Variants in LRRC37A observed in about 807,000 individuals in gnomAD.
LRRC37A encodes the protein leucine rich repeat containing 37A, also known as leucine-rich repeat-containing protein 37A.
LRRC37A carries 3 observed loss-of-function variants against 35.4 expected under a neutral mutation model. That is an observed-to-expected ratio of 0.08 (90% CI 0.04 to 0.22). The LOEUF is 0.22. Among genes scored for constraint, LRRC37A ranks in the 10% least tolerant of loss-of-function variants. The pLI is 1.00. For missense variants in LRRC37A, 67 were observed against 565.3 expected (o/e 0.12, Z 8.94); for synonymous variants, 23 against 215.0 (o/e 0.11, Z 7.81).
chr17:46,327,063 T>C (rs2051769323), intron 7 of LRRC37A, among the ~76,000 whole-genome samples: 1 of 86,176 alleles, frequency 1.2e-5, no homozygotes, highest in Admixed American at 1.2e-4. Context: ...TCTACTTTCT[T>C]TGATCTTCCA....
At chr17:46,258,107 G>C in the LRRC37A span, among the ~76,000 whole-genome samples, 11 of 152,210 alleles carry the variant, frequency 7.2e-5, no homozygotes, top group African/African-American at 2.7e-4. Context: ...CTTCTCCATA[G>C]ACTGCTTGAA....
chr17:46,289,018 A>G (rs1446762352), upstream of LRRC37A, among the ~76,000 whole-genome samples: 4 of 152,240 alleles, frequency 2.6e-5, no homozygotes, highest in South Asian at 4.1e-4. Context: ...TATTGTCTCA[A>G]TATGCATTTT....
the LRRC37A span, chr17:46,275,320 T>C: frequency 1.2e-6 from 1 of 821,200 alleles, no homozygotes; most frequent in Non-Finnish European, 1.9e-6. Context: ...GGCTCCTTAA[T>C]TTAAAATAGT....
chr17:46,272,515 A>G, the LRRC37A span, among the ~76,000 whole-genome samples: 24 of 152,234 alleles, frequency 1.6e-4, no homozygotes, highest in African/African-American at 5.8e-4. Context: ...CCCAGGTTCA[A>G]GTGATTCTCC....
chr17:46,289,754 C>T (rs1206094132), upstream of LRRC37A, among the ~76,000 whole-genome samples: 2 of 152,228 alleles, frequency 1.3e-5, no homozygotes, highest in Admixed American at 6.5e-5. Context: ...AGAAAAATAA[C>T]TTAGCCCACG....
chr17:46,282,846 C>T, the LRRC37A span, among the ~76,000 whole-genome samples: 1 of 152,190 alleles, frequency 6.6e-6, no homozygotes, highest in African/African-American at 2.4e-5. Flanking sequence ...GGGCTGGGCG[C>T]GGTGGCTCAT....
At chr17:46,298,705 CAG>C (rs1310347517) in intron 1 of LRRC37A, among the ~76,000 whole-genome samples, 1 of 89,612 alleles carries the variant, frequency 1.1e-5, no homozygotes, top group Non-Finnish European at 2.3e-5. Context: ...GCCTGGGCGA[CAG>C]AGCAAGACTC....
chr17:46,254,760 C>T, the LRRC37A span, among the ~76,000 whole-genome samples: 1 of 151,318 alleles, frequency 6.6e-6, no homozygotes, highest in African/African-American at 2.4e-5. Flanking sequence ...AGGCTGGTCT[C>T]AACTCCTGAC....
At chr17:46,282,782 C>T in the LRRC37A span, among the ~76,000 whole-genome samples, 6 of 152,170 alleles carry the variant, frequency 3.9e-5, no homozygotes, top group Non-Finnish European at 5.9e-5. Flanking sequence ...ATCTTCCTTG[C>T]TACAGAAGAG....
chr17:46,277,372 C>T, the LRRC37A span, among the ~76,000 whole-genome samples: 6 of 152,188 alleles, frequency 3.9e-5, no homozygotes, highest in African/African-American at 1.4e-4. Flanking sequence ...ATCCTCTGGG[C>T]TCTGCCAGCA....
chr17:46,288,317 T>C (rs1357424823), upstream of LRRC37A, among the ~76,000 whole-genome samples: 3 of 148,176 alleles, frequency 2.0e-5, no homozygotes, highest in Non-Finnish European at 3.0e-5. Flanking sequence ...TTTTTTTTTT[T>C]TTTTTTTTTT....
Position 46,331,636 on chromosome 17 carries a change from CCTGT to C in LRRC37A, c.4361_4364del (p.Leu1454ProfsTer23), listed in dbSNP as rs1245017646. The C allele has an allele frequency of 1.2e-6, 1 of 816,766 alleles. No individual in the cohort carries two copies. Among genetic ancestry groups the C allele is most frequent in the Non-Finnish European group, 1.9e-6 (1 of 514,206 alleles). 50.6% of individuals were successfully genotyped at this position (816,766 alleles called of 1,614,324 possible). A position where few individuals can be genotyped will look rare whatever the true frequency, so the allele number is the denominator to read the frequency against. On this transcript the variant is annotated frameshift_variant, in exon 9 of 14. Coordinates refer to ENST00000320254, the Ensembl canonical transcript of LRRC37A. LOFTEE classifies it high-confidence loss of function. ...GGGAATACAACAACGTGGGCACTGA[CCTGT>C]CCCCCGAGCCCAAAAGCTTCAATTA...
At chr17:46,248,153 A>G in the LRRC37A span, among the ~76,000 whole-genome samples, 2 of 151,922 alleles carry the variant, frequency 1.3e-5, no homozygotes, top group Non-Finnish European at 2.9e-5. Flanking sequence ...GTTGAACTGG[A>G]AAAACTGTAA....
At chr17:46,263,644 C>T in the LRRC37A span, among the ~76,000 whole-genome samples, 3 of 150,388 alleles carry the variant, frequency 2.0e-5, no homozygotes, top group Admixed American at 1.3e-4. Flanking sequence ...CACCTAAGGT[C>T]GGGAGTTTGA....
the LRRC37A span, among the ~76,000 whole-genome samples, chr17:46,263,292 C>T: frequency 1.3e-5 from 2 of 152,020 alleles, no homozygotes; most frequent in African/African-American, 4.8e-5. Context: ...TGGCTCACGC[C>T]TGTAATCCCA....
At chr17:46,253,240 C>A in the LRRC37A span, among the ~76,000 whole-genome samples, 1 of 121,812 alleles carries the variant, frequency 8.2e-6, no homozygotes, top group African/African-American at 2.7e-5. Context: ...GGCGGCCGGG[C>A]AGAGACGCTC....
chr17:46,283,572 C>T, the LRRC37A span, among the ~76,000 whole-genome samples: 1 of 152,192 alleles, frequency 6.6e-6, no homozygotes, highest in Non-Finnish European at 1.5e-5. Flanking sequence ...GCTTCCTCTG[C>T]AATAATGGTA....
chr17:46,283,397 A>G, the LRRC37A span, among the ~76,000 whole-genome samples: 1 of 152,284 alleles, frequency 6.6e-6, no homozygotes, highest in Non-Finnish European at 1.5e-5. Context: ...TTATGGGCCT[A>G]TAATGAAAAA....
At chr17:46,261,229 A>G in the LRRC37A span, among the ~76,000 whole-genome samples, 7 of 152,184 alleles carry the variant, frequency 4.6e-5, no homozygotes, top group African/African-American at 1.7e-4. Flanking sequence ...TTTTTTTTAG[A>G]AAAAGAGTTC....
Sources: gnomAD v4.1 joint callset for allele counts (sites outside exome capture counted in the v4.1 genomes callset) on GRCh38, gnomAD v4.1.1 for gene constraint, MANE v1.5 for transcripts, NCBI Gene and HGNC (gene_info 2026-07-23, HGNC 2026-07-21) for gene names.